The following PTPRD variants were observed in gnomAD, a reference collection of about 807,000 sequenced individuals.
PTPRD encodes protein tyrosine phosphatase receptor type D, also known as receptor-type tyrosine-protein phosphatase delta.
Under a neutral mutation model 214.5 loss-of-function variants are expected in PTPRD, and 34 were observed. The observed-to-expected ratio is 0.16, with a 90% CI of 0.12 to 0.21. The LOEUF is 0.21. PTPRD is among the 10% of genes least tolerant of loss of function. The pLI is 1.00. For missense variants in PTPRD, 2,545 were observed against 2,398.7 expected, an observed-to-expected ratio of 1.06 and a Z score of -1.27; for synonymous variants, 1,128 against 845.7, an observed-to-expected ratio of 1.33 and a Z score of -5.79.
intron 3 of PTPRD, among the ~76,000 whole-genome samples, chr9:10,094,992 C>G (rs531218111): frequency 6.6e-6 from 1 of 151,400 alleles, no homozygotes; most frequent in African/African-American, 2.4e-5. Context: ...GGATTCATTA[C>G]AATAATAATA....
At chr9:8,696,165 AG>A (rs1357404047) in intron 12 of PTPRD, among the ~76,000 whole-genome samples, 5 of 152,152 alleles carry the variant, frequency 3.3e-5, no homozygotes, top group African/African-American at 1.2e-4. Context: ...ATGTTTTTCA[AG>A]GTAACAACAC....
intron 4 of PTPRD, among the ~76,000 whole-genome samples, chr9:10,030,885 G>A (rs1001201641): frequency 2.6e-5 from 4 of 152,166 alleles, no homozygotes; most frequent in South Asian, 2.1e-4. Context: ...GTACAAAGCT[G>A]CTTAAATCTT....
intron 5 of PTPRD, among the ~76,000 whole-genome samples, chr9:9,800,105 A>G (rs750759294): frequency 5.1e-4 from 77 of 152,328 alleles, no homozygotes; most frequent in Non-Finnish European, 2.4e-4. Context: ...TAAAGTTTCC[A>G]AAGTGAAATA....
At chr9:10,536,338 C>T (rs1437871721) in intron 2 of PTPRD, among the ~76,000 whole-genome samples, 1 of 152,050 alleles carries the variant, frequency 6.6e-6, no homozygotes, top group Admixed American at 6.6e-5. Context: ...TTATTGATTT[C>T]TTCTAATTTC....
intron 3 of PTPRD, among the ~76,000 whole-genome samples, chr9:10,142,246 A>T (rs1456678762): frequency 6.6e-6 from 1 of 151,500 alleles, no homozygotes; most frequent in African/African-American, 2.4e-5. Flanking sequence ...ACCAAAAGCA[A>T]TGGCAACAAA....
At chr9:9,243,419 G>C (rs907071762) in intron 9 of PTPRD, among the ~76,000 whole-genome samples, 2 of 151,994 alleles carry the variant, frequency 1.3e-5, no homozygotes, top group Non-Finnish European at 2.9e-5. Context: ...GAATCCAGCA[G>C]CACATCAAAA....
chr9:10,291,726 T>C (rs2382203), intron 3 of PTPRD, among the ~76,000 whole-genome samples: 5,267 of 152,050 alleles, frequency 0.035, 181 homozygotes, highest in South Asian at 0.14. Context: ...GTGAAACTTA[T>C]TTCAGACTTC....
chr9:10,465,566 T>C (rs2098987919), intron 2 of PTPRD, among the ~76,000 whole-genome samples: 1 of 152,174 alleles, frequency 6.6e-6, no homozygotes, highest in African/African-American at 2.4e-5. Context: ...AAAATTTCTA[T>C]CACCTGGTGT....
rs532245999 is a variant in PTPRD, at chr9:8,530,342, C to A, written c.353-1563G>T. Among the ~76,000 whole-genome samples the A allele has an allele frequency of 1.5e-4, 23 of 152,210 alleles. No individual in the cohort carries two copies. The South Asian group carries it at 4.8e-3, about 32-fold the overall frequency. Reference sequence around the variant, plus strand: ...TCATAGGAAATTTTTCTTCTGCCCACATTGAAATTCTCACCACTTCCCAGA... The same window carrying A: ...TCATAGGAAATTTTTCTTCTGCCCAAATTGAAATTCTCACCACTTCCCAGA... On this transcript the variant is annotated intron_variant, in intron 14 of 45. Coordinates refer to ENST00000381196, the MANE Select transcript of PTPRD (RefSeq NM_002839.4).
chr9:8,792,166 T>C (rs2096259282), intron 11 of PTPRD, among the ~76,000 whole-genome samples: 1 of 152,124 alleles, frequency 6.6e-6, no homozygotes, highest in Non-Finnish European at 1.5e-5. Context: ...GATAATGCAT[T>C]TGGCCTTGGA....
intron 11 of PTPRD, among the ~76,000 whole-genome samples, chr9:8,734,955 G>A (rs2089794712): frequency 6.6e-6 from 1 of 152,054 alleles, no homozygotes; most frequent in South Asian, 2.1e-4. Context: ...GCAGGGCAGT[G>A]GGAAAGGAAC....
At chr9:10,564,845 AT>A (rs1267034269) in intron 2 of PTPRD, among the ~76,000 whole-genome samples, 1 of 152,106 alleles carries the variant, frequency 6.6e-6, no homozygotes. Flanking sequence ...ATTCTTTTTC[AT>A]TTTATTTTTG....
chr9:8,698,517 C>T (rs1472754499), intron 12 of PTPRD, among the ~76,000 whole-genome samples: 1 of 152,176 alleles, frequency 6.6e-6, no homozygotes, highest in Non-Finnish European at 1.5e-5. Context: ...AAAAATTCTT[C>T]AGTCATTTTC....
At chr9:9,067,162 G>A (rs150669548) in intron 10 of PTPRD, among the ~76,000 whole-genome samples, 1 of 152,150 alleles carries the variant, frequency 6.6e-6, no homozygotes, top group African/African-American at 2.4e-5. Context: ...CCTGGGAGGT[G>A]GAGGTTACAG....
At chr9:10,357,708 A>T (rs2097303697) in intron 2 of PTPRD, among the ~76,000 whole-genome samples, 1 of 152,232 alleles carries the variant, frequency 6.6e-6, no homozygotes, top group Non-Finnish European at 1.5e-5. Flanking sequence ...TGGCTACTCC[A>T]TAGGCAGAGC....
rs150017757 is a variant in PTPRD at position 8,350,967 on chromosome 9, A to T, written c.4662-8989T>A. On this transcript the variant is annotated intron_variant, in intron 39 of 45. Coordinates refer to ENST00000381196, the MANE Select transcript of PTPRD (RefSeq NM_002839.4). The stretch of plus-strand genomic sequence containing the variant: ...TTTGACCCAGCACCTCCAACTCTAG[A>T]AATCTAGCACGGAGGTCTATCTACA... Among the ~76,000 whole-genome samples the T allele has an allele frequency of 1.4e-4, 22 of 152,048 alleles. No homozygotes were observed. In the East Asian group the frequency reaches 4.3e-3, roughly 30 times the overall value.
At chr9:9,589,384 G>C (rs2092467336) in intron 7 of PTPRD, among the ~76,000 whole-genome samples, 1 of 151,134 alleles carries the variant, frequency 6.6e-6, no homozygotes, top group Non-Finnish European at 1.5e-5. Context: ...GTTAACTCTT[G>C]TGGCATGTTC....
chr9:8,585,404 T>C (rs926935537), intron 14 of PTPRD, among the ~76,000 whole-genome samples: 7 of 152,196 alleles, frequency 4.6e-5, no homozygotes, highest in Admixed American at 3.3e-4. Flanking sequence ...ACACCAACTA[T>C]AGTCACTACT....
intron 42 of PTPRD, among the ~76,000 whole-genome samples, chr9:8,339,560 C>T (rs1850393379): frequency 6.6e-6 from 1 of 152,010 alleles, no homozygotes; most frequent in South Asian, 2.1e-4. Context: ...CTTGGCTAAA[C>T]CCTGCAGAGT....
Sources: allele counts gnomAD v4.1 joint callset (sites outside exome capture counted in the v4.1 genomes callset), GRCh38; gene constraint gnomAD v4.1.1; transcripts MANE v1.5; gene names NCBI Gene and HGNC (gene_info 2026-07-23, HGNC 2026-07-21).